The following PTPRZ1 variants were observed in gnomAD, a reference collection of about 807,000 sequenced individuals.
The protein encoded by PTPRZ1 is protein tyrosine phosphatase receptor type Z1, also known as receptor-type tyrosine-protein phosphatase zeta.
A neutral mutation model predicts 214.1 loss-of-function variants in PTPRZ1; 82 were observed. The observed-to-expected ratio is 0.38, with a 90% confidence interval of 0.32 to 0.46. The LOEUF (loss-of-function observed/expected upper bound fraction) is 0.46. Ranked by LOEUF, PTPRZ1 falls within the 20% of genes least tolerant of loss-of-function variation. The pLI, the probability that PTPRZ1 is intolerant of heterozygous loss-of-function variation, is 1.00. For synonymous variants in PTPRZ1, 945 were observed against 987.9 expected (o/e 0.96, Z 0.81); for missense variants, 2,603 against 2,748.7 (o/e 0.95, Z 1.19).
At chr7:121,978,284 A>G (rs550963482) in intron 6 of PTPRZ1, among the ~76,000 whole-genome samples, 1 of 152,224 alleles carries the variant, frequency 6.6e-6, no homozygotes, top group Admixed American at 6.5e-5. Flanking sequence ...TTAGCTGAGG[A>G]CGGATTCTAG....
At chr7:122,027,866 C>T (rs917725015) in intron 13 of PTPRZ1, among the ~76,000 whole-genome samples, 5 of 152,130 alleles carry the variant, frequency 3.3e-5, no homozygotes, top group African/African-American at 7.2e-5. Context: ...ACAAGACTAG[C>T]ATCTGTTGGG....
intron 3 of PTPRZ1, among the ~76,000 whole-genome samples, chr7:121,969,822 T>G (rs1797175166): frequency 6.6e-6 from 1 of 151,926 alleles, no homozygotes; most frequent in Non-Finnish European, 1.5e-5. Context: ...TTTATTATAC[T>G]TTAAGTTCTA....
chr7:122,012,655 C>G lies in PTPRZ1; in HGVS notation c.3609C>G (p.Pro1203=). 1.2e-6 allele frequency: 2 copies of G among 1,613,568 alleles called. No individual in the cohort carries two copies. Among genetic ancestry groups the G allele is most frequent in the Non-Finnish European group, 1.7e-6 (2 of 1,179,616 alleles). Reference sequence around the variant, plus strand: ...TTAAAACTGTTCTTCCAGCTGTGCCCAGTGATCCAATATTGGTTGAAACCC... The same window carrying G: ...TTAAAACTGTTCTTCCAGCTGTGCCGAGTGATCCAATATTGGTTGAAACCC... ...TLLKTVLPAV[P]SDPILVETPK... The change falls in exon 12 of 30, where the codon CCC becomes CCG. Residue 1203 remains proline (P), a synonymous_variant. Coordinates refer to ENST00000393386, the MANE Select transcript of PTPRZ1 (RefSeq NM_002851.3).
At chr7:121,978,549 G>A (rs948123679) in intron 6 of PTPRZ1, among the ~76,000 whole-genome samples, 5 of 152,122 alleles carry the variant, frequency 3.3e-5, no homozygotes, top group African/African-American at 9.7e-5. Context: ...ATCAAATCTC[G>A]TGAGAACTCA....
chr7:121,994,088 G>A (rs1798056296), intron 8 of PTPRZ1, among the ~76,000 whole-genome samples: 1 of 152,006 alleles, frequency 6.6e-6, no homozygotes, highest in Admixed American at 6.6e-5. Context: ...TCTTTTTGGA[G>A]CTCTACTTTA....
rs777808266 is a variant in PTPRZ1, at chr7:122,013,088, G to A, written c.4042G>A (p.Val1348Ile). The change falls in exon 12 of 30, where the codon GTA (valine) becomes ATA (isoleucine). Residue 1348 changes from valine (V) to isoleucine (I), a missense_variant. Transcript: ENST00000393386. Reference sequence around the variant, plus strand: ...CACCAAAAGTTCTGTTACTGGTAAGGTATTTGCTGGTATTCCAACAGTTGC... The same window carrying A: ...CACCAAAAGTTCTGTTACTGGTAAGATATTTGCTGGTATTCCAACAGTTGC... ...TSTKSSVTGK[V>I]FAGIPTVASD... 1.1e-5 allele frequency: 18 copies of A among 1,613,500 alleles called. No homozygotes were observed. In the African/African-American group the frequency reaches 1.9e-4, roughly 17 times the overall value.
chr7:122,037,452 A>T (rs948524331), intron 18 of PTPRZ1, among the ~76,000 whole-genome samples: 1 of 152,142 alleles, frequency 6.6e-6, no homozygotes, highest in African/African-American at 2.4e-5. Flanking sequence ...ATTCCTCAGG[A>T]TACCCAGCTT....
At chr7:121,969,553 CTCTGTCTCAAAAAAAAAAAAAAAAAAAA>C (rs1490492430) in intron 3 of PTPRZ1, among the ~76,000 whole-genome samples, 1 of 86,414 alleles carries the variant, frequency 1.2e-5, no homozygotes, top group African/African-American at 4.3e-5. Context: ...AAGAGCGAAA[CTCTGTCTCAAAAAAAAAAAAAAAAAAAA>C]TCTCATGAAA....
At chr7:121,964,343 G>A (rs1339620530) in intron 2 of PTPRZ1, among the ~76,000 whole-genome samples, 2 of 152,204 alleles carry the variant, frequency 1.3e-5, no homozygotes, top group Non-Finnish European at 2.9e-5. Context: ...ATAAAGGGAA[G>A]CAAATATGTC....
At chr7:122,035,752 G>A (rs970534987) in intron 17 of PTPRZ1, among the ~76,000 whole-genome samples, 1 of 152,076 alleles carries the variant, frequency 6.6e-6, no homozygotes, top group Non-Finnish European at 1.5e-5. Context: ...TCTTTAACTT[G>A]TTTTGGTTTG....
At chr7:121,953,395 A>G (rs1433309968) in intron 2 of PTPRZ1, among the ~76,000 whole-genome samples, 1 of 152,238 alleles carries the variant, frequency 6.6e-6, no homozygotes, top group Admixed American at 6.5e-5. Context: ...AAGGTAGATG[A>G]ATGGAAAAGG....
intron 3 of PTPRZ1, among the ~76,000 whole-genome samples, chr7:121,969,801 A>G (rs1010172947): frequency 8.6e-5 from 13 of 151,462 alleles, no homozygotes; most frequent in African/African-American, 3.1e-4. Context: ...TATTCTTTTT[A>G]TATATATATT....
chr7:122,057,194 A>T (rs1186831464), intron 27 of PTPRZ1, among the ~76,000 whole-genome samples: 1 of 151,800 alleles, frequency 6.6e-6, no homozygotes, highest in African/African-American at 2.4e-5. Context: ...AACTTTACTA[A>T]ATGAATTCAA....
intron 2 of PTPRZ1, among the ~76,000 whole-genome samples, chr7:121,941,607 G>A (rs552395957): frequency 1.1e-4 from 17 of 152,250 alleles, no homozygotes; most frequent in African/African-American, 3.6e-4. Flanking sequence ...TTATAATCAG[G>A]TGTGGGAAAA....
intron 8 of PTPRZ1, among the ~76,000 whole-genome samples, chr7:121,985,151 G>T (rs1452665642): frequency 2.0e-5 from 3 of 152,080 alleles, no homozygotes; most frequent in Admixed American, 6.6e-5. Flanking sequence ...GTGATGAATA[G>T]CTATATTTAC....
chr7:121,957,408 A>T (rs1196480), intron 2 of PTPRZ1, among the ~76,000 whole-genome samples: 93,745 of 151,880 alleles, frequency 0.62, 29,522 homozygotes, highest in African/African-American at 0.73. Flanking sequence ...TGGTCTGTCC[A>T]GGGGTCATTC....
At chr7:121,981,957 T>G (rs1013284318) in intron 6 of PTPRZ1, among the ~76,000 whole-genome samples, 1 of 152,194 alleles carries the variant, frequency 6.6e-6, no homozygotes, top group African/African-American at 2.4e-5. Flanking sequence ...TGTGTGCCAT[T>G]TCAGAAACCT....
At chr7:121,946,486 A>C (rs924997373) in intron 2 of PTPRZ1, among the ~76,000 whole-genome samples, 1 of 152,212 alleles carries the variant, frequency 6.6e-6, no homozygotes, top group Admixed American at 6.5e-5. Context: ...AAAAGAGACA[A>C]CTGACAACAA....
Position 122,010,959 on chromosome 7 carries a change from G to T in PTPRZ1, c.1913G>T (p.Gly638Val). The change falls in exon 12 of 30, where the codon GGT becomes GTT. Residue 638 changes from glycine (G) to valine (V), a missense_variant. Gly to Val is a moderately radical substitution (Grantham distance 109). Transcript: ENST00000393386. ...RNASEDSTSS[G>V]SEESLKDPSM... ...GCTTCCGAAGATTCAACTTCATCAG[G>T]TTCAGAAGAATCACTAAAGGATCCT... The T allele has an allele frequency of 6.2e-7, 1 of 1,614,100 alleles. No individual in the cohort carries two copies.
Sources: allele counts gnomAD v4.1 joint callset (sites outside exome capture counted in the v4.1 genomes callset), GRCh38; gene constraint gnomAD v4.1.1; transcripts MANE v1.5; gene names NCBI Gene and HGNC (gene_info 2026-07-23, HGNC 2026-07-21).